The following SH3BGRL2 variants were observed in gnomAD, a reference collection of about 807,000 sequenced individuals.
The protein encoded by SH3BGRL2 is SH3 domain-binding glutamic acid-rich-like protein 2.
Under a neutral mutation model 14.8 loss-of-function variants are expected in SH3BGRL2, and 21 were observed. The ratio of observed to expected loss-of-function variants is 1.42; its 90% confidence interval spans 1.01 to 2.05. SH3BGRL2 has a LOEUF of 2.05. Ranked by LOEUF, SH3BGRL2 falls within the 30% of genes most tolerant of loss-of-function variation. SH3BGRL2 has a pLI of 0.00. For missense variants in SH3BGRL2, 147 were observed against 130.8 expected, an observed-to-expected ratio of 1.12 and a Z score of -0.61; for synonymous variants, 50 against 47.8, an observed-to-expected ratio of 1.05 and a Z score of -0.19.
chr6:79,678,113 A>G (rs1055765509), intron 2 of SH3BGRL2, among the ~76,000 whole-genome samples: 1 of 152,074 alleles, frequency 6.6e-6, no homozygotes, highest in Non-Finnish European at 1.5e-5. Context: ...TTCTGTATAT[A>G]ATTTTTCTTA....
Position 79,701,572 on chromosome 6 carries a change from C to T in SH3BGRL2, c.*2063C>T, listed in dbSNP as rs975531824. 1 of 150,802 alleles carries T rather than the reference C, an allele frequency of 6.6e-6. No homozygotes were observed. Among genetic ancestry groups the T allele is most frequent in the African/African-American group, 2.4e-5 (1 of 41,026 alleles). 9.3% of individuals were successfully genotyped at this position (150,802 alleles called of 1,614,324 possible). On this transcript the variant is annotated 3_prime_UTR_variant, in exon 4 of 4. Coordinates refer to ENST00000369838, the MANE Select transcript of SH3BGRL2 (RefSeq NM_031469.4). Reference sequence around the variant, plus strand: ...CTAGTGGGTAGTAATGCTAAATTACCATCACAGTTATGTGCCATCTCCCCA... The same window carrying T: ...CTAGTGGGTAGTAATGCTAAATTACTATCACAGTTATGTGCCATCTCCCCA...
the SH3BGRL2 span, among the ~76,000 whole-genome samples, chr6:79,620,426 T>C: frequency 2.0e-5 from 3 of 152,132 alleles, no homozygotes; most frequent in African/African-American, 4.8e-5. Flanking sequence ...CGCATGATTA[T>C]TGCCTGGCTT....
At chr6:79,596,841 C>G in the SH3BGRL2 span, among the ~76,000 whole-genome samples, 25,272 of 152,046 alleles carry the variant, frequency 0.17, 2,279 homozygotes, top group South Asian at 0.22. Flanking sequence ...AAAGAAGATT[C>G]CAGATGAAAA....
At chr6:79,660,191 T>C (rs552760863) in intron 1 of SH3BGRL2, among the ~76,000 whole-genome samples, 1 of 152,310 alleles carries the variant, frequency 6.6e-6, no homozygotes, top group South Asian at 2.1e-4. Context: ...ATCGGAGTGG[T>C]GAAAGAGGGC....
intron 1 of SH3BGRL2, among the ~76,000 whole-genome samples, chr6:79,673,258 TG>T (rs1751104773): frequency 6.6e-6 from 1 of 151,936 alleles, no homozygotes; most frequent in African/African-American, 2.4e-5. Context: ...TCCAGAGTTC[TG>T]GGGAGTCTAG....
chr6:79,641,827 T>C (rs963631844), intron 1 of SH3BGRL2, among the ~76,000 whole-genome samples: 2 of 152,146 alleles, frequency 1.3e-5, no homozygotes, highest in Non-Finnish European at 2.9e-5. Flanking sequence ...CAGTACATAC[T>C]ACTTACTAGG....
intron 2 of SH3BGRL2, among the ~76,000 whole-genome samples, chr6:79,692,629 C>T (rs971109760): frequency 6.6e-6 from 1 of 152,194 alleles, no homozygotes; most frequent in African/African-American, 2.4e-5. Context: ...TTCCCCATTT[C>T]TTGTTTTTGT....
chr6:79,599,372 C>CT, the SH3BGRL2 span, among the ~76,000 whole-genome samples: 112 of 133,500 alleles, frequency 8.4e-4, no homozygotes, highest in Non-Finnish European at 1.3e-3. Flanking sequence ...TATAACAGAT[C>CT]TTTTTTTTTT....
chr6:79,570,428 C>A, the SH3BGRL2 span, among the ~76,000 whole-genome samples: 1 of 152,180 alleles, frequency 6.6e-6, no homozygotes, highest in Non-Finnish European at 1.5e-5. Context: ...ACAAATTGCA[C>A]ATTGGACTAG....
chr6:79,628,751 G>GA (rs5877666), upstream of SH3BGRL2, among the ~76,000 whole-genome samples: 14,542 of 152,070 alleles, frequency 0.096, 1,200 homozygotes, highest in East Asian at 0.44. Flanking sequence ...ATTCAGGGTG[G>GA]AAAAAATAGA....
At chr6:79,695,410 A>C (rs1297274837) in intron 2 of SH3BGRL2, among the ~76,000 whole-genome samples, 1 of 152,232 alleles carries the variant, frequency 6.6e-6, no homozygotes, top group Non-Finnish European at 1.5e-5. Flanking sequence ...CAGACAAGGC[A>C]TGCGTTGCAG....
chr6:79,648,994 A>T (rs1384210281), intron 1 of SH3BGRL2, among the ~76,000 whole-genome samples: 2 of 152,174 alleles, frequency 1.3e-5, no homozygotes, highest in African/African-American at 4.8e-5. Context: ...CAGAAAAGCC[A>T]CTGAGAGGTG....
At chr6:79,571,773 CAT>C in the SH3BGRL2 span, among the ~76,000 whole-genome samples, 9 of 152,040 alleles carry the variant, frequency 5.9e-5, no homozygotes, top group East Asian at 1.9e-4. Flanking sequence ...TTAAATAAAA[CAT>C]AATGTATCAA....
At chr6:79,629,985 G>T (rs761057889), upstream of SH3BGRL2, among the ~76,000 whole-genome samples, 1 of 152,110 alleles carries the variant, frequency 6.6e-6, no homozygotes, top group African/African-American at 2.4e-5. Context: ...CTACTTTTAA[G>T]AAAATTATTT....
chr6:79,554,381 G>A, the SH3BGRL2 span, among the ~76,000 whole-genome samples: 1 of 152,160 alleles, frequency 6.6e-6, no homozygotes, highest in African/African-American at 2.4e-5. Context: ...GGGACATAAT[G>A]TATGCAAAAA....
intron 2 of SH3BGRL2, among the ~76,000 whole-genome samples, chr6:79,692,457 G>A (rs372441085): frequency 9.2e-5 from 14 of 152,064 alleles, no homozygotes; most frequent in African/African-American, 2.2e-4. Flanking sequence ...ATGGTATTGC[G>A]TAGGTTTTCT....
chr6:79,656,396 T>A (rs2127727848), intron 1 of SH3BGRL2, among the ~76,000 whole-genome samples: 1 of 152,330 alleles, frequency 6.6e-6, no homozygotes, highest in Non-Finnish European at 1.5e-5. Flanking sequence ...GAGTAAATCT[T>A]AGTCACCCAT....
chr6:79,594,664 C>T, the SH3BGRL2 span, among the ~76,000 whole-genome samples: 3 of 152,078 alleles, frequency 2.0e-5, no homozygotes, highest in Non-Finnish European at 4.4e-5. Flanking sequence ...GCAGCAGCTT[C>T]GGTAGCCATG....
the SH3BGRL2 span, among the ~76,000 whole-genome samples, chr6:79,548,318 CAT>C: frequency 6.0e-4 from 92 of 152,236 alleles, no homozygotes; most frequent in East Asian, 2.9e-3. Context: ...TTGTAGCACA[CAT>C]GTTATTTTTA....
Sources: allele counts gnomAD v4.1 joint callset (sites outside exome capture counted in the v4.1 genomes callset), GRCh38; gene constraint gnomAD v4.1.1; transcripts MANE v1.5; gene names NCBI Gene and HGNC (gene_info 2026-07-23, HGNC 2026-07-21).